Variants in KLF12 observed in about 807,000 individuals in gnomAD.
KLF12 encodes KLF transcription factor 12, also known as Krueppel-like factor 12.
Under a neutral mutation model 37.8 loss-of-function variants are expected in KLF12, and 9 were observed. The observed-to-expected ratio is 0.24, with a 90% CI of 0.14 to 0.42. The LOEUF (loss-of-function observed/expected upper bound fraction) is 0.42. Ranked by LOEUF, KLF12 falls within the 10% of genes least tolerant of loss-of-function variation. KLF12 has a pLI of 1.00. For synonymous variants in KLF12, 208 were observed against 202.1 expected (o/e 1.03, Z -0.25); for missense variants, 411 against 516.0 (o/e 0.80, Z 1.97).
the KLF12 span, among the ~76,000 whole-genome samples, chr13:74,152,376 C>A: frequency 2.0e-5 from 3 of 152,036 alleles, no homozygotes; most frequent in Non-Finnish European, 4.4e-5. Flanking sequence ...TAGAGTACTC[C>A]CCTCTCAAAC....
intron 1 of KLF12, among the ~76,000 whole-genome samples, chr13:74,131,547 G>A (rs904876080): frequency 3.3e-5 from 5 of 152,122 alleles, no homozygotes; most frequent in African/African-American, 1.2e-4. Context: ...AAGAACTTCT[G>A]GGGAGTGGGA....
chr13:74,021,906 T>C lies in KLF12; in HGVS notation c.-31-26853A>G, dbSNP rs536575949. Among the ~76,000 whole-genome samples, 7 of 152,214 alleles carry C rather than the reference T, an allele frequency of 4.6e-5. No individual in the cohort carries two copies. In the South Asian group the frequency reaches 1.5e-3, roughly 32 times the overall value. On this transcript the variant is annotated intron_variant, in intron 1 of 7. Coordinates refer to ENST00000377669, the MANE Select transcript of KLF12 (RefSeq NM_007249.5). ...CATCAAGCATAGATCTCAGAACCAA[T>C]CTTAAAGAATTTCACCAATGATGAG... is the stretch of plus-strand genomic sequence containing the variant.
intron 3 of KLF12, among the ~76,000 whole-genome samples, chr13:73,923,214 A>T (rs1889207158): frequency 1.3e-5 from 2 of 152,194 alleles, no homozygotes; most frequent in Admixed American, 1.3e-4. Flanking sequence ...ACTGCTTCAA[A>T]GATAGAGTGA....
At chr13:73,813,117 C>CAAA (rs745523037) in intron 5 of KLF12, 35 bp downstream of exon 5, 1 of 1,608,398 alleles carries the variant, frequency 6.2e-7, no homozygotes, top group Non-Finnish European at 8.5e-7. Context: ...AACACCTTGG[C>CAAA]AATTCTTAAT....
chr13:73,989,012 CA>C (rs1322992236), intron 2 of KLF12, among the ~76,000 whole-genome samples: 1 of 152,092 alleles, frequency 6.6e-6, no homozygotes, highest in African/African-American at 2.4e-5. Flanking sequence ...GGATGGAAAC[CA>C]GACAATCTGA....
At chr13:74,105,445 T>C (rs576853258) in intron 1 of KLF12, among the ~76,000 whole-genome samples, 3 of 152,298 alleles carry the variant, frequency 2.0e-5, no homozygotes, top group East Asian at 1.9e-4. Context: ...ATATTTTAAA[T>C]AGTATAATTA....
intron 1 of KLF12, among the ~76,000 whole-genome samples, chr13:74,133,730 G>C (rs1375074485): frequency 1.3e-5 from 2 of 150,656 alleles, no homozygotes; most frequent in African/African-American, 2.4e-5. Context: ...AAACGGAATC[G>C]GCACAGACCT....
chr13:74,197,174 A>T, the KLF12 span, among the ~76,000 whole-genome samples: 1 of 152,208 alleles, frequency 6.6e-6, no homozygotes, highest in African/African-American at 2.4e-5. Context: ...AATAACTAGA[A>T]TTATTCATAT....
intron 3 of KLF12, among the ~76,000 whole-genome samples, chr13:73,850,798 T>C (rs1885297850): frequency 6.6e-6 from 1 of 152,220 alleles, no homozygotes; most frequent in Non-Finnish European, 1.5e-5. Flanking sequence ...TTATGTTCCA[T>C]TTTACTTTTA....
intron 3 of KLF12, among the ~76,000 whole-genome samples, chr13:73,850,045 C>T (rs1885253542): frequency 6.6e-6 from 1 of 152,100 alleles, no homozygotes; most frequent in African/African-American, 2.4e-5. Context: ...CACTGTAAAA[C>T]TTAAATTTTT....
the KLF12 span, among the ~76,000 whole-genome samples, chr13:74,211,447 G>A: frequency 6.6e-6 from 1 of 152,094 alleles, no homozygotes; most frequent in African/African-American, 2.4e-5. Flanking sequence ...GAGTGACAGA[G>A]CATTCTAAGT....
At chr13:73,908,465 G>C (rs1888416609) in intron 3 of KLF12, among the ~76,000 whole-genome samples, 1 of 150,554 alleles carries the variant, frequency 6.6e-6, no homozygotes, top group Non-Finnish European at 1.5e-5. Flanking sequence ...CCTCCTAAAG[G>C]TTTTCATTTT....
intron 1 of KLF12, among the ~76,000 whole-genome samples, chr13:74,014,394 T>C (rs1403481603): frequency 1.3e-5 from 2 of 152,210 alleles, no homozygotes; most frequent in Non-Finnish European, 2.9e-5. Context: ...GCACAGTAGT[T>C]CCTGCAAATG....
At chr13:73,714,185 G>A (rs1217780772) in intron 7 of KLF12, among the ~76,000 whole-genome samples, 1 of 152,176 alleles carries the variant, frequency 6.6e-6, no homozygotes, top group Non-Finnish European at 1.5e-5. Context: ...GCTCACACCT[G>A]TAATCCCAGA....
At chr13:73,780,280 GT>G (rs1880876880) in intron 5 of KLF12, among the ~76,000 whole-genome samples, 1 of 152,110 alleles carries the variant, frequency 6.6e-6, no homozygotes, top group Non-Finnish European at 1.5e-5. Flanking sequence ...AACAGGTGGT[GT>G]TTGGTTGCAC....
At chr13:74,120,637 G>A (rs529258933) in intron 1 of KLF12, among the ~76,000 whole-genome samples, 8 of 152,124 alleles carry the variant, frequency 5.3e-5, no homozygotes, top group Non-Finnish European at 1.2e-4. Context: ...ATTTTTGTCT[G>A]ATATTGAATC....
At chr13:73,976,307 C>T (rs868104788) in intron 2 of KLF12, among the ~76,000 whole-genome samples, 8 of 152,112 alleles carry the variant, frequency 5.3e-5, no homozygotes, top group African/African-American at 7.2e-5. Flanking sequence ...TTTAGGAGCA[C>T]GCCCCTCTGG....
chr13:74,013,578 T>C (rs1892605041), intron 1 of KLF12, among the ~76,000 whole-genome samples: 1 of 152,192 alleles, frequency 6.6e-6, no homozygotes. Flanking sequence ...ATGATATGTG[T>C]TGTACCATTC....
chr13:73,714,997 A>G (rs1875691046), intron 7 of KLF12, among the ~76,000 whole-genome samples: 1 of 152,158 alleles, frequency 6.6e-6, no homozygotes, highest in Non-Finnish European at 1.5e-5. Flanking sequence ...GAGGAGAGCA[A>G]AAAGCATAAT....
Sources: allele counts gnomAD v4.1 joint callset (sites outside exome capture counted in the v4.1 genomes callset), GRCh38; gene constraint gnomAD v4.1.1; transcripts MANE v1.5; gene names NCBI Gene and HGNC (gene_info 2026-07-23, HGNC 2026-07-21).